KCNH1: variants seen among roughly 807,000 people sequenced by gnomAD.
KCNH1 encodes the protein potassium voltage-gated channel subfamily H member 1.
KCNH1 carries 27 observed loss-of-function variants against 69.2 expected under a neutral mutation model. The ratio of observed to expected loss-of-function variants is 0.39; its 90% CI spans 0.29 to 0.54. KCNH1 has a LOEUF of 0.54. Among genes scored for constraint, KCNH1 ranks in the 20% least tolerant of loss-of-function variants. The pLI, the probability that KCNH1 is intolerant of heterozygous loss-of-function variation, is 0.68. For synonymous variants in KCNH1, 456 were observed against 487.7 expected (o/e 0.93, Z 0.86); for missense variants, 798 against 1,261.6 (o/e 0.63, Z 5.57).
intron 7 of KCNH1, among the ~76,000 whole-genome samples, chr1:210,871,379 A>G (rs1045323639): frequency 3.9e-5 from 6 of 152,268 alleles, no homozygotes; most frequent in Admixed American, 2.6e-4. Flanking sequence ...TTAGAATGGC[A>G]ATCATTAAAA....
intron 5 of KCNH1, among the ~76,000 whole-genome samples, chr1:211,037,057 T>C (rs142220174): frequency 2.0e-5 from 3 of 152,310 alleles, no homozygotes; most frequent in Non-Finnish European, 2.9e-5. Context: ...TGATGAAAAA[T>C]AGGGAAATCA....
chr1:210,963,889 C>T (rs1688345141), intron 6 of KCNH1, among the ~76,000 whole-genome samples: 1 of 152,114 alleles, frequency 6.6e-6, no homozygotes, highest in East Asian at 1.9e-4. Context: ...TCCAGGAGAA[C>T]TCCCCCAATA....
rs756855471 is a variant in KCNH1, at chr1:210,932,745, CTG to C, written c.1033-12678_1033-12677del. Among the ~76,000 whole-genome samples, 7 of 152,146 alleles carry C rather than the reference CTG, an allele frequency of 4.6e-5. No individual in the cohort carries two copies. The East Asian group carries it at 1.2e-3, about 25-fold the overall frequency. ...GATAAAATAAACTTTAAGCCAAAAA[CTG>C]TAAAAAGAGACCAAGAAGTTCATTA... On this transcript the variant is annotated intron_variant, in intron 6 of 10. Transcript: ENST00000271751.
chr1:211,047,048 G>A (rs939122881), intron 5 of KCNH1, among the ~76,000 whole-genome samples: 2 of 152,082 alleles, frequency 1.3e-5, no homozygotes, highest in African/African-American at 4.8e-5. Flanking sequence ...CATTTCAACA[G>A]GTAATCAATA....
At chr1:210,982,956 G>A (rs562629135) in intron 6 of KCNH1, among the ~76,000 whole-genome samples, 9 of 152,156 alleles carry the variant, frequency 5.9e-5, no homozygotes, top group African/African-American at 2.2e-4. Flanking sequence ...TTTAATGATC[G>A]CCATTCTAAC....
intron 7 of KCNH1, among the ~76,000 whole-genome samples, chr1:210,832,958 A>T (rs1244928959): frequency 2.0e-5 from 3 of 148,822 alleles, no homozygotes; most frequent in African/African-American, 7.3e-5. Context: ...AAATAACGTT[A>T]GAGATGCTTT....
At chr1:211,126,435 G>C (rs1333483715) in intron 1 of KCNH1, among the ~76,000 whole-genome samples, 1 of 151,230 alleles carries the variant, frequency 6.6e-6, no homozygotes, top group Non-Finnish European at 1.5e-5. Context: ...GCCTGAACCC[G>C]GGAGGCGAAG....
intron 5 of KCNH1, among the ~76,000 whole-genome samples, chr1:211,082,496 T>G (rs78140713): frequency 2.3e-3 from 347 of 152,344 alleles, no homozygotes; most frequent in African/African-American, 7.9e-3. Context: ...TTCATGTACA[T>G]GAAGCACTTC....
Position 210,748,378 on chromosome 1 carries a change from C to A in KCNH1, c.2112+26970G>T, listed in dbSNP as rs1016248673. 2.6e-5 allele frequency among the ~76,000 whole-genome samples: 4 copies of A among 152,154 alleles called. No homozygotes were observed. The South Asian group carries it at 8.3e-4, about 32-fold the overall frequency. On this transcript the variant is annotated intron_variant, in intron 10 of 10. Transcript: ENST00000271751. ...GAAGGAGAAAGAAACCCTTAGTTAA[C>A]GAAGCATTTACTGAGCAACTATTAT...
intron 10 of KCNH1, among the ~76,000 whole-genome samples, chr1:210,743,198 T>C (rs1262231912): frequency 6.6e-6 from 1 of 151,640 alleles, no homozygotes; most frequent in African/African-American, 2.4e-5. Context: ...CCTTTCCTAG[T>C]AGGTGTCAGG....
At chr1:210,861,879 A>G (rs1413984472) in intron 7 of KCNH1, 1 of 763,740 alleles carries the variant, frequency 1.3e-6, no homozygotes, top group Non-Finnish European at 2.4e-6. Context: ...CACACTGAAG[A>G]TAAAAGCCAG....
intron 5 of KCNH1, among the ~76,000 whole-genome samples, chr1:211,068,834 A>G (rs1690580994): frequency 6.6e-6 from 1 of 152,230 alleles, no homozygotes; most frequent in Non-Finnish European, 1.5e-5. Flanking sequence ...CACAGGAACC[A>G]GTGCTGGGTA....
intron 7 of KCNH1, among the ~76,000 whole-genome samples, chr1:210,825,250 A>C (rs1357417111): frequency 6.6e-6 from 1 of 152,190 alleles, no homozygotes; most frequent in East Asian, 1.9e-4. Context: ...CAATTGCACA[A>C]ATGCTTTTCC....
chr1:211,003,209 C>A (rs1689221730), intron 6 of KCNH1, among the ~76,000 whole-genome samples: 1 of 151,460 alleles, frequency 6.6e-6, no homozygotes, highest in Admixed American at 6.6e-5. Flanking sequence ...TTCCTATAAA[C>A]CCCATGTGCT....
intron 5 of KCNH1, among the ~76,000 whole-genome samples, chr1:211,036,609 C>G (rs1055676157): frequency 1.3e-5 from 2 of 152,142 alleles, no homozygotes; most frequent in African/African-American, 2.4e-5. Context: ...CAGACCTTGT[C>G]CAGTCATAGA....
intron 7 of KCNH1, among the ~76,000 whole-genome samples, chr1:210,913,684 T>C (rs1687280106): frequency 6.6e-6 from 1 of 152,194 alleles, no homozygotes. Context: ...TAATGTTTCC[T>C]AGTATCAACT....
rs373226905 is a variant in KCNH1 at position 211,125,529 on chromosome 1, T to C, written c.79+8338A>G. ...CCATTTTCTTTACATGGCCCTGAAG[T>C]TCTAGCCTAAAACACATTTTCCAAC... On this transcript the variant is annotated intron_variant, in intron 1 of 10. Transcript: ENST00000271751. Among the ~76,000 whole-genome samples the C allele has an allele frequency of 3.3e-5, 5 of 152,332 alleles. No homozygotes were observed. In the East Asian group the frequency reaches 7.7e-4, roughly 24 times the overall value.
At chr1:210,943,907 T>C (rs1452187187) in intron 6 of KCNH1, among the ~76,000 whole-genome samples, 1 of 152,204 alleles carries the variant, frequency 6.6e-6, no homozygotes, top group Admixed American at 6.5e-5. Context: ...CCATGGGGAC[T>C]CAGTAGATAC....
At chr1:210,727,229 A>G (rs1285844861) in intron 10 of KCNH1, among the ~76,000 whole-genome samples, 1 of 152,194 alleles carries the variant, frequency 6.6e-6, no homozygotes, top group African/African-American at 2.4e-5. Flanking sequence ...TTGGTATTAA[A>G]GCCCCATATT....
Sources: gnomAD v4.1 joint callset for allele counts (sites outside exome capture counted in the v4.1 genomes callset) on GRCh38, gnomAD v4.1.1 for gene constraint, MANE v1.5 for transcripts, NCBI Gene and HGNC (gene_info 2026-07-23, HGNC 2026-07-21) for gene names.